TMEM135: variants seen among roughly 807,000 people sequenced by gnomAD.
The protein encoded by TMEM135 is transmembrane protein 135, also known as peroxisomal membrane protein 52.
TMEM135 carries 30 observed loss-of-function variants against 60.3 expected under a neutral mutation model. The observed-to-expected ratio is 0.50, with a 90% confidence interval of 0.37 to 0.68. TMEM135 has a LOEUF of 0.68. Among genes scored for constraint, TMEM135 ranks in the 30% least tolerant of loss-of-function variants. The pLI, the probability that TMEM135 is intolerant of heterozygous loss-of-function variation, is 0.00. For synonymous variants in TMEM135, 190 were observed against 186.7 expected (o/e 1.02, Z -0.14); for missense variants, 468 against 548.8 (o/e 0.85, Z 1.47).
chr11:87,267,172 T>C (rs1312730986), intron 6 of TMEM135, among the ~76,000 whole-genome samples: 1 of 152,222 alleles, frequency 6.6e-6, no homozygotes, highest in South Asian at 2.1e-4. Flanking sequence ...GGTCTAGTTA[T>C]ACATTCATAT....
At chr11:87,223,826 G>A (rs1224134522) in intron 5 of TMEM135, among the ~76,000 whole-genome samples, 4 of 149,422 alleles carry the variant, frequency 2.7e-5, no homozygotes, top group Admixed American at 6.8e-5. Context: ...CTCCAGCCTG[G>A]GTAAGAGAGC....
chr11:87,181,114 A>G (rs1939503260), intron 5 of TMEM135, among the ~76,000 whole-genome samples: 1 of 152,244 alleles, frequency 6.6e-6, no homozygotes. Context: ...CAAGGAAAGT[A>G]GAAAAAGAAC....
rs1320732136 is a variant in TMEM135 at position 87,223,663 on chromosome 11, G to GCACACA, written c.463-12972_463-12971insACACAC. Among the ~76,000 whole-genome samples, 290 of 130,952 alleles carry GCACACA rather than the reference G, an allele frequency of 2.2e-3. 2 individuals carry two copies. Among genetic ancestry groups the GCACACA allele is most frequent in the African/African-American group, 6.9e-3 (231 of 33,540 alleles). 85.9% of individuals were successfully genotyped at this position (130,952 alleles called of 152,430 possible). ...CTGTCTCTACTAAAAATACGCACAT[G>GCACACA]CACGCACACACACACACACACACAC... On this transcript the variant is annotated intron_variant, in intron 5 of 14. Coordinates refer to ENST00000305494, the MANE Select transcript of TMEM135 (RefSeq NM_022918.4).
At position 87,308,423 on chromosome 11, in the gene TMEM135, A is replaced by AT. The variant is rs1398932662; in HGVS notation, c.769-1080dup. Among the ~76,000 whole-genome samples, 8 of 152,190 alleles carry AT rather than the reference A, an allele frequency of 5.3e-5. No homozygotes were observed. In the East Asian group the frequency reaches 7.7e-4, roughly 15 times the overall value. On this transcript the variant is annotated intron_variant, in intron 9 of 14. Transcript: ENST00000305494. ...AATGCTTGAGAATTCACAGTAATTG[A>AT]TTGGACAATTTGATTTTGTGTTTTA...
intron 1 of TMEM135, among the ~76,000 whole-genome samples, chr11:87,061,354 T>C (rs1350760513): frequency 2.6e-5 from 4 of 152,164 alleles, no homozygotes; most frequent in African/African-American, 9.7e-5. Flanking sequence ...GGGATGCTGC[T>C]AAACATCCTT....
rs535802329 is a variant in TMEM135, at chr11:87,245,299, G to A, written c.509+8615G>A. Among the ~76,000 whole-genome samples, 286 of 147,292 alleles carry A rather than the reference G, an allele frequency of 1.9e-3. 2 individuals carry two copies. Among genetic ancestry groups the A allele is most frequent in the African/African-American group, 6.8e-3 (268 of 39,350 alleles). On this transcript the variant is annotated intron_variant, in intron 6 of 14. Coordinates refer to ENST00000305494, the MANE Select transcript of TMEM135 (RefSeq NM_022918.4). ...TGTGGTCAATTTTGGAATAGGTGTG[G>A]TGTGGTGCTGAAAAAAATATATATT...
intron 4 of TMEM135, among the ~76,000 whole-genome samples, chr11:87,138,173 C>T (rs1407990565): frequency 6.6e-6 from 1 of 150,994 alleles, no homozygotes; most frequent in Non-Finnish European, 1.5e-5. Context: ...CCACTGCAAC[C>T]CCCGCCTCCT....
At chr11:87,074,974 T>C (rs538972037) in intron 3 of TMEM135, among the ~76,000 whole-genome samples, 1 of 152,118 alleles carries the variant, frequency 6.6e-6, no homozygotes, top group Non-Finnish European at 1.5e-5. Context: ...GGGTCTTGCT[T>C]TGTCACCTAG....
intron 1 of TMEM135, among the ~76,000 whole-genome samples, chr11:87,043,722 A>AAAACAAAC (rs144953900): frequency 6.6e-6 from 1 of 151,818 alleles, no homozygotes; most frequent in Non-Finnish European, 1.5e-5. Context: ...ACTCTGTCTC[A>AAAACAAAC]AAACAAACAA....
At chr11:87,201,051 G>T (rs1288882622) in intron 5 of TMEM135, among the ~76,000 whole-genome samples, 3 of 152,030 alleles carry the variant, frequency 2.0e-5, no homozygotes, top group Non-Finnish European at 4.4e-5. Context: ...ATATATGTTA[G>T]CACTCTTTTT....
intron 4 of TMEM135, among the ~76,000 whole-genome samples, chr11:87,110,508 A>C (rs750060732): frequency 3.0e-4 from 46 of 152,082 alleles, no homozygotes; most frequent in Non-Finnish European, 5.7e-4. Context: ...TAGCTTTGTG[A>C]CTATAACTGC....
intron 6 of TMEM135, among the ~76,000 whole-genome samples, chr11:87,287,583 A>G (rs370500941): frequency 1.3e-5 from 2 of 152,232 alleles, no homozygotes; most frequent in East Asian, 3.8e-4. Flanking sequence ...AAGCTGAGGC[A>G]GGAGAATCGC....
At chr11:87,084,304 G>A (rs1046196782) in intron 3 of TMEM135, among the ~76,000 whole-genome samples, 4 of 120,078 alleles carry the variant, frequency 3.3e-5, no homozygotes, top group African/African-American at 1.1e-4. Context: ...AGTTCCTGTA[G>A]CAGTGGTTCT....
intron 3 of TMEM135, among the ~76,000 whole-genome samples, chr11:87,085,178 T>A (rs1857069700): frequency 6.6e-6 from 1 of 152,230 alleles, no homozygotes; most frequent in African/African-American, 2.4e-5. Flanking sequence ...AGGATGAAGA[T>A]GTTGCGTGAA....
At chr11:87,107,631 T>A (rs1201843311) in intron 4 of TMEM135, among the ~76,000 whole-genome samples, 2 of 152,212 alleles carry the variant, frequency 1.3e-5, no homozygotes, top group East Asian at 3.8e-4. Context: ...CCATGGCGTG[T>A]ATGTGCCACA....
rs546230599 is a variant in TMEM135, at chr11:87,304,819, G to T, written c.699-1117G>T. Among the ~76,000 whole-genome samples, 29 of 152,334 alleles carry T rather than the reference G, an allele frequency of 1.9e-4. No individual in the cohort carries two copies. In the South Asian group the frequency reaches 6.0e-3, roughly 32 times the overall value. ...ATTAATTAGCTACAATCTGAAAGAA[G>T]TTATAAAGACCGCTTATTTTGGAAC... On this transcript the variant is annotated intron_variant, in intron 8 of 14. Coordinates refer to ENST00000305494, the MANE Select transcript of TMEM135 (RefSeq NM_022918.4).
rs1394177481 is a variant in TMEM135 at position 87,245,543 on chromosome 11, G to A, written c.509+8859G>A. On this transcript the variant is annotated intron_variant, in intron 6 of 14. Transcript: ENST00000305494. ...TATGAATCTGGGTGCTCCTGTATTG[G>A]GTGCATATGTATTTAGGATAGTTAG... Among the ~76,000 whole-genome samples the A allele has an allele frequency of 2.4e-3, 346 of 143,972 alleles. 4 individuals carry two copies. Among genetic ancestry groups the A allele is most frequent in the African/African-American group, 8.1e-3 (308 of 37,904 alleles). 94.5% of individuals were successfully genotyped at this position (143,972 alleles called of 152,430 possible).
intron 1 of TMEM135, among the ~76,000 whole-genome samples, chr11:87,058,423 G>T (rs1414125339): frequency 6.6e-6 from 1 of 151,782 alleles, no homozygotes; most frequent in African/African-American, 2.4e-5. Context: ...TCTGTCTCCT[G>T]GGTTCAAGTG....
chr11:87,183,231 C>A (rs1939563986), intron 5 of TMEM135, among the ~76,000 whole-genome samples: 1 of 149,170 alleles, frequency 6.7e-6, no homozygotes. Flanking sequence ...CAACCTCTGC[C>A]TCCTGGGTTC....
Sources: allele counts gnomAD v4.1 joint callset (sites outside exome capture counted in the v4.1 genomes callset), GRCh38; gene constraint gnomAD v4.1.1; transcripts MANE v1.5; gene names NCBI Gene and HGNC (gene_info 2026-07-23, HGNC 2026-07-21).